The following ROBO1 variants were observed in gnomAD, a reference collection of about 807,000 sequenced individuals.
The protein encoded by ROBO1 is roundabout homolog 1.
ROBO1 carries 149 observed loss-of-function variants against 195.9 expected under a neutral mutation model. The observed-to-expected ratio is 0.76, with a 90% CI of 0.67 to 0.87. The LOEUF (loss-of-function observed/expected upper bound fraction) is 0.87. ROBO1 is among the 40% of genes least tolerant of loss of function. The pLI, the probability that ROBO1 is intolerant of heterozygous loss-of-function variation, is 0.00. For synonymous variants in ROBO1, 816 were observed against 733.2 expected, an observed-to-expected ratio of 1.11 and a Z score of -1.82; for missense variants, 1,933 against 2,068.3, an observed-to-expected ratio of 0.93 and a Z score of 1.27.
At chr3:79,483,839 A>G (rs900669422) in intron 2 of ROBO1, among the ~76,000 whole-genome samples, 3 of 152,054 alleles carry the variant, frequency 2.0e-5, no homozygotes, top group Non-Finnish European at 4.4e-5. Context: ...GGGAACCAAA[A>G]AGAAAGCCAG....
intron 2 of ROBO1, among the ~76,000 whole-genome samples, chr3:79,350,384 T>C (rs567753203): frequency 6.6e-6 from 1 of 152,284 alleles, no homozygotes; most frequent in African/African-American, 2.4e-5. Context: ...AAAACCACTG[T>C]CCGTTCCTCA....
intron 2 of ROBO1, among the ~76,000 whole-genome samples, chr3:79,338,982 TTA>T (rs2034796998): frequency 1.3e-5 from 2 of 152,198 alleles, no homozygotes; most frequent in African/African-American, 4.8e-5. Context: ...GCTCCACTCT[TTA>T]TGTTTGAAAT....
At chr3:79,133,836 T>G (rs1317996403) in intron 2 of ROBO1, among the ~76,000 whole-genome samples, 1 of 146,888 alleles carries the variant, frequency 6.8e-6, no homozygotes, top group Admixed American at 7.0e-5. Flanking sequence ...TGGTCTTTGA[T>G]GATGGTGATG....
intron 1 of ROBO1, among the ~76,000 whole-genome samples, chr3:79,709,039 C>T (rs1702172293): frequency 6.6e-6 from 1 of 151,776 alleles, no homozygotes; most frequent in African/African-American, 2.4e-5. Flanking sequence ...ATCAAGTGTT[C>T]ATTACACACA....
chr3:78,912,112 T>C (rs180895181), intron 4 of ROBO1, among the ~76,000 whole-genome samples: 31 of 152,184 alleles, frequency 2.0e-4, no homozygotes, highest in Admixed American at 5.9e-4. Flanking sequence ...AAAAATACTT[T>C]ATAGATGAGC....
chr3:79,729,476 C>A (rs1342772865), intron 1 of ROBO1, among the ~76,000 whole-genome samples: 1 of 152,130 alleles, frequency 6.6e-6, no homozygotes, highest in Non-Finnish European at 1.5e-5. Context: ...TAAAAACAAT[C>A]TCACTTAGAA....
chr3:79,055,735 A>C (rs186671860), intron 3 of ROBO1, among the ~76,000 whole-genome samples: 53 of 152,188 alleles, frequency 3.5e-4, no homozygotes, highest in African/African-American at 1.3e-3. Context: ...AGGGATTACT[A>C]AACCCCTCCA....
chr3:79,042,101 C>T (rs1022773529), intron 3 of ROBO1, among the ~76,000 whole-genome samples: 10 of 152,096 alleles, frequency 6.6e-5, no homozygotes, highest in African/African-American at 2.4e-4. Flanking sequence ...ATGAAGGCTA[C>T]TATTTATTAA....
At position 78,779,764 on chromosome 3, in the gene ROBO1, C is replaced by T. The variant is rs893324591; in HGVS notation, c.500-32864G>A. ...GCAATCCCATTACTGGGTATATACA[C>T]AAAGGATTATAAATCATTCTACTAT... On this transcript the variant is annotated intron_variant, in intron 4 of 30. Coordinates refer to ENST00000464233, the MANE Select transcript of ROBO1 (RefSeq NM_002941.4). Among the ~76,000 whole-genome samples the T allele has an allele frequency of 3.3e-5, 5 of 152,086 alleles. No homozygotes were observed. In the South Asian group the frequency reaches 1.0e-3, roughly 32 times the overall value.
rs1469247029 is a variant in ROBO1 at position 79,128,158 on chromosome 3, C to T, written c.89-2619G>A. ...ATGCGAGCTATGGACTAGAAGATAG[C>T]AAGGAAGAGACTATTGTGTGTTTAC... On this transcript the variant is annotated intron_variant, in intron 2 of 30. Transcript: ENST00000464233. 2.0e-5 allele frequency among the ~76,000 whole-genome samples: 3 copies of T among 152,080 alleles called. No homozygotes were observed. The South Asian group carries it at 6.2e-4, about 32-fold the overall frequency.
chr3:78,643,396 AC>A (rs1706088532), intron 21 of ROBO1, among the ~76,000 whole-genome samples: 1 of 152,178 alleles, frequency 6.6e-6, no homozygotes, highest in Admixed American at 6.6e-5. Context: ...TATGTTACGC[AC>A]TTCATTGAGG....
At chr3:79,018,324 A>C in intron 3 of ROBO1, 4 of 1,550,740 alleles carry the variant, frequency 2.6e-6, no homozygotes, top group Non-Finnish European at 3.5e-6. Flanking sequence ...GGTAACCAAA[A>C]TACACTTCTG....
chr3:79,444,967 G>T (rs1056224325), intron 2 of ROBO1, among the ~76,000 whole-genome samples: 3 of 151,900 alleles, frequency 2.0e-5, no homozygotes, highest in Non-Finnish European at 1.5e-5. Context: ...ATGAGATTAA[G>T]ATGGCAGGGA....
chr3:78,805,041 C>A (rs1276440902), intron 4 of ROBO1, among the ~76,000 whole-genome samples: 3 of 152,058 alleles, frequency 2.0e-5, no homozygotes, highest in Non-Finnish European at 4.4e-5. Flanking sequence ...TGCCCCTTTC[C>A]AAGTAACTAT....
intron 2 of ROBO1, among the ~76,000 whole-genome samples, chr3:79,434,192 C>T (rs1414840808): frequency 1.3e-5 from 2 of 152,162 alleles, no homozygotes; most frequent in Non-Finnish European, 2.9e-5. Flanking sequence ...AAAGCAATGG[C>T]AGCAAAAGCC....
chr3:78,653,934 C>T (rs563670588), intron 18 of ROBO1, among the ~76,000 whole-genome samples: 2 of 152,332 alleles, frequency 1.3e-5, no homozygotes, highest in East Asian at 1.9e-4. Flanking sequence ...CAGGGCAGGA[C>T]TAGAGTTTAT....
intron 4 of ROBO1, among the ~76,000 whole-genome samples, chr3:78,812,538 C>A (rs551557013): frequency 2.6e-5 from 4 of 152,084 alleles, no homozygotes; most frequent in Admixed American, 6.6e-5. Flanking sequence ...TTATTTAAAA[C>A]GGAATAAATA....
chr3:79,110,885 T>C (rs2108532504), intron 3 of ROBO1, among the ~76,000 whole-genome samples: 1 of 152,156 alleles, frequency 6.6e-6, no homozygotes, highest in African/African-American at 2.4e-5. Context: ...TCCCAAGTCC[T>C]GAGATCACAG....
rs193165986 is a variant in ROBO1 at position 78,946,523 on chromosome 3, C to A, written c.173-7596G>T. Among the ~76,000 whole-genome samples the A allele has an allele frequency of 7.4e-3, 1,123 of 152,260 alleles. 12 individuals carry two copies. The highest frequency in any genetic ancestry group is 0.026 in the African/African-American group (1,083 of 41,544). ...GCCCTAAAAGAGCTCCTGAAGGAAGCACTAAATGTGGAAAGGAACAACTGG... is the reference window on the plus strand; with the variant it reads ...GCCCTAAAAGAGCTCCTGAAGGAAGAACTAAATGTGGAAAGGAACAACTGG... On this transcript the variant is annotated intron_variant, in intron 3 of 30. Coordinates refer to ENST00000464233, the MANE Select transcript of ROBO1 (RefSeq NM_002941.4).
Sources: gnomAD v4.1 joint callset for allele counts (sites outside exome capture counted in the v4.1 genomes callset) on GRCh38, gnomAD v4.1.1 for gene constraint, MANE v1.5 for transcripts, NCBI Gene and HGNC (gene_info 2026-07-23, HGNC 2026-07-21) for gene names.